Variants in TENM1 observed in about 807,000 individuals in gnomAD.
TENM1 encodes teneurin-1.
In TENM1, 35 loss-of-function variants were observed where a neutral mutation model predicts 174.8. The observed-to-expected ratio is 0.20, with a 90% CI of 0.15 to 0.27. The LOEUF is 0.27. Ranked by LOEUF, TENM1 falls within the 10% of genes least tolerant of loss-of-function variation. The pLI, the probability that TENM1 is intolerant of heterozygous loss-of-function variation, is 1.00. For missense variants in TENM1, 1,633 were observed against 2,130.1 expected (o/e 0.77, Z 4.59); for synonymous variants, 781 against 798.7 (o/e 0.98, Z 0.37).
At chrX:124,717,660 CT>C (rs2053218137) in intron 4 of TENM1, among the ~76,000 whole-genome samples, 1 of 111,870 alleles carries the variant, frequency 8.9e-6, no homozygotes, top group Admixed American at 9.5e-5. Flanking sequence ...TGAGATTACT[CT>C]GCATCTTAAA....
the TENM1 span, among the ~76,000 whole-genome samples, chrX:125,064,558 C>T: frequency 1.0e-4 from 11 of 109,292 alleles, no homozygotes; most frequent in East Asian, 2.9e-4. Flanking sequence ...AGATGAAACC[C>T]GCAGTGGCAG....
At chrX:124,884,990 T>C (rs1334810528) in intron 3 of TENM1, among the ~76,000 whole-genome samples, 4 of 111,770 alleles carry the variant, frequency 3.6e-5, no homozygotes, top group African/African-American at 1.3e-4. Flanking sequence ...TTATTAATAC[T>C]TCACCGAATA....
chrX:124,702,285 G>A (rs2052794283), intron 5 of TENM1, among the ~76,000 whole-genome samples: 1 of 111,568 alleles, frequency 9.0e-6, no homozygotes. Context: ...TTCTGAGGTG[G>A]TCACCAATAT....
At chrX:124,816,524 C>T (rs2055898750) in intron 3 of TENM1, among the ~76,000 whole-genome samples, 3 of 111,678 alleles carry the variant, frequency 2.7e-5, no homozygotes, top group African/African-American at 9.7e-5. Flanking sequence ...TTCTCTCAAA[C>T]ATTTTATACT....
the TENM1 span, among the ~76,000 whole-genome samples, chrX:125,139,924 T>TATTCAAGGA: frequency 9.7e-6 from 1 of 103,173 alleles, no homozygotes; most frequent in African/African-American, 3.6e-5. Context: ...AGAGAGAGAG[T>TATTCAAGGA]ATTCAAGGAG....
In TENM1 at chrX:124,808,802, A is replaced by G. The variant is rs1411700796; in HGVS notation, c.536-71605T>C. On this transcript the variant is annotated intron_variant, in intron 3 of 31. Transcript: ENST00000422452. ...AAATGAAAATGGAAGCATGAAACAT[A>G]GCATGCCAAAACCTACAGCATACGG... Among the ~76,000 whole-genome samples, 20 of 111,955 alleles carry G rather than the reference A, an allele frequency of 1.8e-4. No homozygotes were observed. The Admixed American group carries it at 1.9e-3, about 11-fold the overall frequency.
At chrX:124,560,209 G>GTA (rs1427158972) in intron 14 of TENM1, among the ~76,000 whole-genome samples, 3 of 104,050 alleles carry the variant, frequency 2.9e-5, no homozygotes, top group African/African-American at 1.1e-4. Flanking sequence ...GTGTGTGTGT[G>GTA]TGTGTGTGTG....
intron 11 of TENM1, among the ~76,000 whole-genome samples, chrX:124,571,748 A>G (rs967290844): frequency 2.7e-5 from 3 of 111,800 alleles, no homozygotes; most frequent in Admixed American, 9.5e-5. Flanking sequence ...ACGTGAGAAG[A>G]AATAGAAAAC....
chrX:124,840,335 A>G (rs921077066), intron 3 of TENM1, among the ~76,000 whole-genome samples: 9 of 111,742 alleles, frequency 8.1e-5, no homozygotes, highest in African/African-American at 2.9e-4. Context: ...CTGAAAGCAT[A>G]ATATAATTTT....
the TENM1 span, among the ~76,000 whole-genome samples, chrX:124,999,537 T>C: frequency 2.7e-5 from 3 of 111,077 alleles, no homozygotes; most frequent in African/African-American, 9.8e-5. Flanking sequence ...AAAATACATT[T>C]TTAAACCAAA....
At chrX:124,926,788 C>T (rs913350680) in intron 1 of TENM1, among the ~76,000 whole-genome samples, 5 of 112,026 alleles carry the variant, frequency 4.5e-5, no homozygotes, top group African/African-American at 9.7e-5. Context: ...CAAGTTATTT[C>T]GCTATGATTA....
At chrX:125,102,010 G>T in the TENM1 span, among the ~76,000 whole-genome samples, 1 of 111,679 alleles carries the variant, frequency 9.0e-6, no homozygotes, top group Non-Finnish European at 1.9e-5. Flanking sequence ...GAGTGGGGAA[G>T]GTATAACACC....
At chrX:125,019,537 T>C in the TENM1 span, among the ~76,000 whole-genome samples, 2 of 111,331 alleles carry the variant, frequency 1.8e-5, no homozygotes, top group Admixed American at 1.9e-4. Context: ...TACTTTATTG[T>C]AGACACAAAT....
At chrX:124,422,349 T>C (rs766106064) in exon 24 of TENM1, 1 of 1,206,985 alleles carries the variant, frequency 8.3e-7, no homozygotes, top group South Asian at 1.8e-5. Context: ...GATCTCCCCA[T>C]TGGTGGTTAC....
chrX:125,130,972 G>T, the TENM1 span, among the ~76,000 whole-genome samples: 1 of 111,935 alleles, frequency 8.9e-6, no homozygotes, highest in Non-Finnish European at 1.9e-5. Flanking sequence ...ACATCAGAGG[G>T]TTATGGAGTA....
At chrX:124,682,806 T>C (rs775128340) in intron 5 of TENM1, among the ~76,000 whole-genome samples, 6 of 110,871 alleles carry the variant, frequency 5.4e-5, no homozygotes, top group Non-Finnish European at 1.1e-4. Context: ...CTACTCAAAA[T>C]TGTCAATGTC....
the TENM1 span, among the ~76,000 whole-genome samples, chrX:125,191,676 A>T: frequency 8.9e-6 from 1 of 111,968 alleles, no homozygotes; most frequent in African/African-American, 3.2e-5. Flanking sequence ...GTTAGTTTTT[A>T]TTATTACTTG....
intron 11 of TENM1, among the ~76,000 whole-genome samples, chrX:124,578,175 GC>G (rs2148205961): frequency 9.0e-6 from 1 of 111,310 alleles, no homozygotes; most frequent in East Asian, 2.8e-4. Context: ...CAATCTTCCT[GC>G]CTTGGCTTCC....
chrX:124,971,747 C>T, the TENM1 span, among the ~76,000 whole-genome samples: 1 of 111,484 alleles, frequency 9.0e-6, no homozygotes, highest in East Asian at 2.8e-4. Context: ...TTTCATTGTA[C>T]CCTTGTCAAC....
Sources: allele counts gnomAD v4.1 joint callset (sites outside exome capture counted in the v4.1 genomes callset), GRCh38; gene constraint gnomAD v4.1.1; transcripts MANE v1.5; gene names NCBI Gene and HGNC (gene_info 2026-07-23, HGNC 2026-07-21).